The following ZPR1 variants were observed in gnomAD, a reference collection of about 807,000 sequenced individuals.
The protein encoded by ZPR1 is zinc finger protein ZPR1.
A neutral mutation model predicts 59.6 loss-of-function variants in ZPR1; 37 were observed. The observed-to-expected ratio is 0.62, with a 90% CI of 0.48 to 0.82. ZPR1 has a LOEUF of 0.82. ZPR1 is among the 40% of genes least tolerant of loss of function. The pLI is 0.00. For missense variants in ZPR1, 527 were observed against 579.9 expected (o/e 0.91, Z 0.94); for synonymous variants, 191 against 215.2 (o/e 0.89, Z 0.99).
rs777726736 is a variant in ZPR1, at chr11:116,784,378, C to G, written c.891G>C (p.Glu297Asp). ...NCENCGHRTN[E>D]VKSGGAVEPL... Reference sequence around the variant, plus strand: ...TTCCCAAATAATGGCGCCCACCCACCTCATTGGTCCGATGCCCACAGTTCT... The same window carrying G: ...TTCCCAAATAATGGCGCCCACCCACGTCATTGGTCCGATGCCCACAGTTCT... Residue 297 changes from glutamate (E) to aspartate (D), a missense_variant and splice_region_variant, in exon 9 of 14, where the codon GAG becomes GAC. Glu to Asp is a conservative substitution (Grantham distance 45). Coordinates refer to ENST00000227322, the MANE Select transcript of ZPR1 (RefSeq NM_003904.5). 3 of 1,614,094 alleles carry G rather than the reference C, an allele frequency of 1.9e-6. No individual in the cohort carries two copies.
intron 10 of ZPR1, 35 bp from the exon 11 acceptor site, chr11:116,783,064 A>G: frequency 6.3e-7 from 1 of 1,577,472 alleles, no homozygotes; most frequent in Non-Finnish European, 8.7e-7. Context: ...GCTTTAAGTC[A>G]GAAGCAAAGA....
chr11:116,784,827 A>G, intron 8 of ZPR1, 28 bp downstream of exon 8: 1 of 1,613,156 alleles, frequency 6.2e-7, no homozygotes, highest in African/African-American at 1.3e-5. Flanking sequence ...TCAGATGAAG[A>G]GCAACCCAAC....
chr11:116,782,597 C>G (rs963334880), intron 11 of ZPR1, among the ~76,000 whole-genome samples: 42 of 152,168 alleles, frequency 2.8e-4, no homozygotes, highest in Admixed American at 2.6e-3. Context: ...GCTAAGTCAA[C>G]CCATACATGT....
chr11:116,775,473 A>C lies in ZPR1; in HGVS notation c.*3452T>G, dbSNP rs1253120775. 6.7e-6 allele frequency: 1 copy of C among 150,342 alleles called. No homozygotes were observed. Among genetic ancestry groups the C allele is most frequent in the Non-Finnish European group, 1.4e-5 (1 of 69,598 alleles). The allele number at this position is 150,342 out of a possible 1,614,324, so 9.3% of individuals were successfully genotyped here. ...ACTGTCTCCAAAAAAAAAAAAAAAA[A>C]AAAAATTAGCCAGGCATGGTGGCGT... On this transcript the variant is annotated 3_prime_UTR_variant, in exon 14 of 14. Transcript: ENST00000227322.
chr11:116,787,754 T>G, intron 1 of ZPR1, 66 bp downstream of exon 1: 2 of 1,524,800 alleles, frequency 1.3e-6, no homozygotes, highest in South Asian at 2.5e-5. Context: ...TGGCTGGGTC[T>G]GACCCCCGGC....
Position 116,782,172 on chromosome 11 carries a change from G to C in ZPR1, c.1165C>G (p.Gln389Glu), listed in dbSNP as rs754809698. The C allele has an allele frequency of 1.9e-6, 3 of 1,614,098 alleles. No homozygotes were observed. Among genetic ancestry groups the C allele is most frequent in the East Asian group, 4.5e-5 (2 of 44,892 alleles). Residue 389 changes from glutamine (Q) to glutamate (E), a missense_variant, in exon 12 of 14, where the codon CAG (glutamine) becomes GAG (glutamate). Coordinates refer to ENST00000227322, the MANE Select transcript of ZPR1 (RefSeq NM_003904.5). ...GQTERLQEFS[Q>E]KMDQIIEGNM... ...TGACCTCTTACCTGGTCCATCTTCT[G>C]GCTAAACTCCTGTAGTCTCTCCGTC...
chr11:116,779,841 A>C lies in ZPR1; in HGVS notation c.1180-4T>G. ...CCTTCATGTTACCTTCGATGATCTA[A>C]AGGAGAGAGAGAACACAGCAAGTAA... On this transcript the variant is annotated splice_polypyrimidine_tract_variant and splice_region_variant and intron_variant, in intron 12 of 13. Transcript: ENST00000227322. 6.4e-7 allele frequency: 1 copy of C among 1,570,132 alleles called. No individual in the cohort carries two copies. The highest frequency in any genetic ancestry group is 8.7e-7 in the Non-Finnish European group (1 of 1,154,426).
intron 4 of ZPR1, 39 bp downstream of exon 4, chr11:116,786,469 AATT>A: frequency 1.2e-6 from 2 of 1,612,360 alleles, no homozygotes; most frequent in Non-Finnish European, 1.7e-6. Flanking sequence ...CTATATAAGC[AATT>A]ATTCCTTGAG....
Position 116,782,130 on chromosome 11 carries a change from A to C in ZPR1, c.1179+28T>G, listed in dbSNP as rs202234622. On this transcript the variant is annotated intron_variant, in intron 12 of 13. Coordinates refer to ENST00000227322, the MANE Select transcript of ZPR1 (RefSeq NM_003904.5). ...CTGTTCACTGGAGCCCCAGGATTCT[A>C]AGTACTGACTGGCCAGTGACCTCTT... is the stretch of plus-strand genomic sequence containing the variant. 636 of 1,587,758 alleles carry C rather than the reference A, an allele frequency of 4.0e-4. 1 individual carries two copies. Among genetic ancestry groups the C allele is most frequent in the Non-Finnish European group, 3.9e-4 (455 of 1,157,548 alleles).
chr11:116,779,048 C>T lies in ZPR1; in HGVS notation c.1257G>A (p.Ala419=), dbSNP rs781542584. 43 of 1,613,932 alleles carry T rather than the reference C, an allele frequency of 2.7e-5. 1 individual carries two copies. The highest frequency in any genetic ancestry group is 4.5e-5 in the East Asian group (2 of 44,892). ...AGNSYLQNVY[A]PEDDPEMKVE... ...CCTTCATCTCAGGATCATCTTCAGG[C>T]GCATACACATTCTGCAAGGTCAAGG... The change falls in exon 14 of 14, where the codon GCG becomes GCA. Residue 419 remains alanine, a synonymous_variant. Coordinates refer to ENST00000227322, the MANE Select transcript of ZPR1 (RefSeq NM_003904.5).
In ZPR1 at chr11:116,787,837, T is replaced by C. The variant is rs201247587; in HGVS notation, c.154A>G (p.Met52Val). ...QQPTEIESLCMNCYCNGMTRL... is the reference protein window; with the variant it reads ...QQPTEIESLCVNCYCNGMTRL... ...CGCCTCACATTGCAGTAACAGTTCA[T>C]GCATAGCGACTCGATCTCGGTGGGC... The change falls in exon 1 of 14, where the codon ATG becomes GTG. Residue 52 changes from methionine to valine, a missense_variant. Physicochemically the swap from Met to Val is conservative, Grantham distance 21 (BLOSUM62 1). Transcript: ENST00000227322. The C allele has an allele frequency of 3.9e-6, 6 of 1,557,992 alleles. No homozygotes were observed. The highest frequency in any genetic ancestry group is 1.4e-5 in the African/African-American group (1 of 73,250).
At chr11:116,786,301 T>TA (rs1422728087) in intron 4 of ZPR1, among the ~76,000 whole-genome samples, 25 of 152,216 alleles carry the variant, frequency 1.6e-4, no homozygotes, top group Admixed American at 1.6e-3. Flanking sequence ...GAGGTAATGT[T>TA]ATATTGTCTG....
rs778952065 is a variant in ZPR1, at chr11:116,784,522, C to G, written c.821-74G>C. On this transcript the variant is annotated intron_variant, in intron 8 of 13. Transcript: ENST00000227322. ...ATCTGGGGAAAAACAAAGCCAAACC[C>G]CACACAAACATATGCTGGTCCCAGA... The G allele has an allele frequency of 2.9e-6, 4 of 1,384,566 alleles. No individual in the cohort carries two copies. In the South Asian group the frequency reaches 3.5e-5, roughly 12 times the overall value. 85.8% of individuals were successfully genotyped at this position (1,384,566 alleles called of 1,614,324 possible).
intron 10 of ZPR1, 36 bp downstream of exon 10, chr11:116,783,494 T>G (rs1940840169): frequency 6.5e-7 from 1 of 1,548,004 alleles, no homozygotes; most frequent in Non-Finnish European, 8.9e-7. Flanking sequence ...ATCTAACTTA[T>G]GAGGACAACA....
chr11:116,787,378 C>A, intron 2 of ZPR1, 104 bp downstream of exon 2: 1 of 1,202,158 alleles, frequency 8.3e-7, no homozygotes, highest in African/African-American at 1.5e-5. Flanking sequence ...GGCTAGGAGA[C>A]ATAGGGGGAT....
In ZPR1 at chr11:116,783,019, C is replaced by G. The variant is rs777846086; in HGVS notation, c.992G>C (p.Cys331Ser). The G allele has an allele frequency of 1.9e-6, 3 of 1,613,742 alleles. No homozygotes were observed. The highest frequency in any genetic ancestry group is 2.7e-5 in the African/African-American group (2 of 74,926). ...TTCTAGCTCTGGGATTTCCACACTG[C>G]AAGTCTCAGACTGTGAAATGAGAGG... ...MTRDLLKSET[C>S]SVEIPELEFE... Residue 331 changes from cysteine (C) to serine (S), a missense_variant, in exon 11 of 14, where the codon TGC becomes TCC. Physicochemically the swap from Cys to Ser is moderately radical, Grantham distance 112. Coordinates refer to ENST00000227322, the MANE Select transcript of ZPR1 (RefSeq NM_003904.5).
chr11:116,783,525 G>GT lies in ZPR1; in HGVS notation c.981+4dup. ...CAACAGTGACTTTCCCAAGCAGACT[G>GT]TTACCTTGAGGAGGTCTCTGGTCAT... On this transcript the variant is annotated splice_donor_region_variant and intron_variant, in intron 10 of 13. Transcript: ENST00000227322. 1 of 1,612,312 alleles carries GT rather than the reference G, an allele frequency of 6.2e-7. No individual in the cohort carries two copies. Among genetic ancestry groups the GT allele is most frequent in the South Asian group, 1.1e-5 (1 of 91,040 alleles).
rs1241874342 is a variant in ZPR1, at chr11:116,776,254, C to CT, written c.*2670dup. On this transcript the variant is annotated 3_prime_UTR_variant, in exon 14 of 14. Coordinates refer to ENST00000227322, the MANE Select transcript of ZPR1 (RefSeq NM_003904.5). ...TTCCTTTTTTAACACAATCACAAAC[C>CT]TTTTCCACTTAAATGTTACTCATGG... 4 of 152,222 alleles carry CT rather than the reference C, an allele frequency of 2.6e-5. No individual in the cohort carries two copies. The highest frequency in any genetic ancestry group is 2.1e-4 in the South Asian group (1 of 4,828). 9.4% of individuals were successfully genotyped at this position (152,222 alleles called of 1,614,324 possible).
chr11:116,784,811 C>G (rs763086986), intron 8 of ZPR1, 44 bp downstream of exon 8: 5 of 1,589,312 alleles, frequency 3.1e-6, no homozygotes, highest in East Asian at 4.5e-5. Flanking sequence ...AATCTTCATG[C>G]CTGAGTCAGA....
Sources: allele counts gnomAD v4.1 joint callset (sites outside exome capture counted in the v4.1 genomes callset), GRCh38; gene constraint gnomAD v4.1.1; transcripts MANE v1.5; gene names NCBI Gene and HGNC (gene_info 2026-07-23, HGNC 2026-07-21).